SNX29: variants seen among roughly 807,000 people sequenced by gnomAD.
The protein encoded by SNX29 is sorting nexin 29.
A neutral mutation model predicts 102.1 loss-of-function variants in SNX29; 78 were observed. The observed-to-expected ratio is 0.76, with a 90% confidence interval of 0.64 to 0.92. The LOEUF is 0.92. Ranked by LOEUF, SNX29 falls within the 40% of genes least tolerant of loss-of-function variation. SNX29 has a pLI of 0.00. For synonymous variants in SNX29, 580 were observed against 414.5 expected (o/e 1.40, Z -4.85); for missense variants, 1,280 against 1,061.7 (o/e 1.21, Z -2.86).
At chr16:12,523,298 G>T (rs147918448) in intron 19 of SNX29, among the ~76,000 whole-genome samples, 1 of 152,348 alleles carries the variant, frequency 6.6e-6, no homozygotes, top group African/African-American at 2.4e-5. Context: ...GCAGACAGCA[G>T]TTTCCTCATC....
chr16:12,088,231 C>A (rs1212302102), intron 11 of SNX29: 1 of 409,278 alleles, frequency 2.4e-6, no homozygotes, highest in South Asian at 1.8e-5. Context: ...TCAGCTGATC[C>A]AGCACCTGCA....
chr16:12,430,071 G>T (rs1046594479), intron 18 of SNX29, among the ~76,000 whole-genome samples: 1 of 152,226 alleles, frequency 6.6e-6, no homozygotes, highest in Admixed American at 6.5e-5. Context: ...AGTGGCATCA[G>T]ATTCTCATAG....
At chr16:12,360,621 C>T (rs2082274049) in intron 16 of SNX29, among the ~76,000 whole-genome samples, 2 of 152,078 alleles carry the variant, frequency 1.3e-5, no homozygotes, top group Admixed American at 6.5e-5. Context: ...TTCAGTGGGG[C>T]CAGTATACAA....
At chr16:12,043,739 AT>A (rs201568046) in intron 5 of SNX29, among the ~76,000 whole-genome samples, 179 of 126,972 alleles carry the variant, frequency 1.4e-3, no homozygotes, top group African/African-American at 3.7e-3. Flanking sequence ...GAAGGAAGTC[AT>A]TTTTTTTGTT....
chr16:12,281,965 T>C (rs140425472), intron 15 of SNX29, among the ~76,000 whole-genome samples: 2,183 of 150,602 alleles, frequency 0.014, 33 homozygotes, highest in South Asian at 0.043. Context: ...ATGTCTATAG[T>C]CCCCAGCTAC....
intron 5 of SNX29, among the ~76,000 whole-genome samples, chr16:12,043,747 TG>T (rs77694067): frequency 0.37 from 56,077 of 150,824 alleles, 10,845 homozygotes; most frequent in Middle Eastern, 0.45. Flanking sequence ...TCATTTTTTT[TG>T]TTGTTGTTTG....
chr16:12,536,959 G>A (rs1049800682), intron 20 of SNX29, among the ~76,000 whole-genome samples: 11 of 152,018 alleles, frequency 7.2e-5, no homozygotes, highest in South Asian at 2.1e-4. Flanking sequence ...CTAGGCGACA[G>A]AGTGAGAGAG....
At chr16:12,202,795 G>T (rs559094130) in intron 14 of SNX29, among the ~76,000 whole-genome samples, 2 of 152,248 alleles carry the variant, frequency 1.3e-5, no homozygotes, top group Non-Finnish European at 2.9e-5. Context: ...ATGTTTGCAA[G>T]TTGGCTTCCT....
rs74542017 is a variant in SNX29, at chr16:12,330,049, T to TG, written c.1783-26110dup. 5.3e-3 allele frequency among the ~76,000 whole-genome samples: 814 copies of TG among 152,278 alleles called. 53 individuals are homozygous for TG. In the East Asian group the frequency reaches 0.13, roughly 24 times the overall value. On this transcript the variant is annotated intron_variant, in intron 15 of 20. Coordinates refer to ENST00000566228, the MANE Select transcript of SNX29 (RefSeq NM_032167.5). ...AACCTCATTTTCCCTGTCTGTGAAA[T>TG]GGGGATAATGAAGACCCATTGCAGA... is the stretch of plus-strand genomic sequence containing the variant.
At chr16:12,564,031 TGCACCG>T (rs1197256066) in intron 20 of SNX29, among the ~76,000 whole-genome samples, 1 of 150,456 alleles carries the variant, frequency 6.6e-6, no homozygotes, top group Admixed American at 6.7e-5. Context: ...GTTGAGGAGT[TGCACCG>T]GTAAAAGGTT....
At chr16:12,287,918 T>C (rs2050681891) in intron 15 of SNX29, among the ~76,000 whole-genome samples, 1 of 152,212 alleles carries the variant, frequency 6.6e-6, no homozygotes, top group African/African-American at 2.4e-5. Context: ...GTGTATTACA[T>C]GTGTGGTACT....
Position 12,565,928 on chromosome 16 carries a change from T to G in SNX29, c.2319-2578T>G, listed in dbSNP as rs1265748705. Among the ~76,000 whole-genome samples the G allele has an allele frequency of 5.3e-5, 8 of 152,188 alleles. No homozygotes were observed. The South Asian group carries it at 8.3e-4, about 16-fold the overall frequency. ...TCCACCGTGATCCACCACAGCCATC[T>G]GTCCAGTGTCTGCCCTCCCCATCCT... is the stretch of plus-strand genomic sequence containing the variant. On this transcript the variant is annotated intron_variant, in intron 20 of 20. Coordinates refer to ENST00000566228, the MANE Select transcript of SNX29 (RefSeq NM_032167.5).
rs545712196 is a variant in SNX29 at position 12,442,169 on chromosome 16, A to G, written c.2038-35550A>G. Among the ~76,000 whole-genome samples the G allele has an allele frequency of 9.2e-5, 14 of 152,348 alleles. No homozygotes were observed. The South Asian group carries it at 2.9e-3, about 32-fold the overall frequency. The stretch of plus-strand genomic sequence containing the variant: ...TTGTCCCAGCACAGTTTGTTTAAAA[A>G]AAAAACTGTTCTTTCCTCACTGAAT... On this transcript the variant is annotated intron_variant, in intron 18 of 20. Transcript: ENST00000566228.
intron 20 of SNX29, among the ~76,000 whole-genome samples, chr16:12,553,205 G>A (rs2078099074): frequency 6.6e-6 from 1 of 152,162 alleles, no homozygotes; most frequent in South Asian, 2.1e-4. Context: ...GTTATTTCCA[G>A]TAGCCATGCT....
At chr16:12,427,714 T>G (rs895822489) in intron 18 of SNX29, among the ~76,000 whole-genome samples, 3 of 152,110 alleles carry the variant, frequency 2.0e-5, no homozygotes, top group African/African-American at 7.2e-5. Flanking sequence ...GGGAAGAGGG[T>G]GCAGAGCGCC....
chr16:12,199,281 C>G (rs764175966), intron 13 of SNX29, among the ~76,000 whole-genome samples: 10 of 152,186 alleles, frequency 6.6e-5, no homozygotes, highest in Non-Finnish European at 1.3e-4. Context: ...GTTCCTGACA[C>G]TGAATAGGCA....
intron 18 of SNX29, among the ~76,000 whole-genome samples, chr16:12,467,839 G>T (rs142360003): frequency 6.6e-6 from 1 of 152,154 alleles, no homozygotes; most frequent in East Asian, 1.9e-4. Context: ...GATGGTGGTC[G>T]TGCTGGGGTC....
Position 12,524,852 on chromosome 16 carries a change from C to T in SNX29, c.2318+11C>T. The T allele has an allele frequency of 3.1e-6, 5 of 1,608,024 alleles. No homozygotes were observed. The highest frequency in any genetic ancestry group is 4.3e-6 in the Non-Finnish European group (5 of 1,176,468). On this transcript the variant is annotated intron_variant, in intron 20 of 20. Coordinates refer to ENST00000566228, the MANE Select transcript of SNX29 (RefSeq NM_032167.5). ...GATGCCCTTCTTCGTGTAAGTACTGCTCCCACGGACATGGGCCGCCAGCCC... is the reference window on the plus strand; with the variant it reads ...GATGCCCTTCTTCGTGTAAGTACTGTTCCCACGGACATGGGCCGCCAGCCC...
intron 13 of SNX29, 59 bp from the exon 14 acceptor site, chr16:12,199,542 T>A: frequency 6.8e-7 from 1 of 1,478,300 alleles, no homozygotes; most frequent in Non-Finnish European, 9.2e-7. Context: ...TGCCCCCTCC[T>A]GTGGGTCCAC....
Sources: allele counts gnomAD v4.1 joint callset (sites outside exome capture counted in the v4.1 genomes callset), GRCh38; gene constraint gnomAD v4.1.1; transcripts MANE v1.5; gene names NCBI Gene and HGNC (gene_info 2026-07-23, HGNC 2026-07-21).